The following GRID2 variants were observed in gnomAD, a reference collection of about 807,000 sequenced individuals.
The protein encoded by GRID2 is glutamate receptor ionotropic, delta-2.
Under a neutral mutation model 114.8 loss-of-function variants are expected in GRID2, and 33 were observed. That is an observed-to-expected ratio of 0.29 (90% CI 0.22 to 0.38). The LOEUF (loss-of-function observed/expected upper bound fraction) is 0.38. GRID2 is among the 10% of genes least tolerant of loss of function. GRID2 has a pLI of 1.00. For synonymous variants in GRID2, 505 were observed against 449.9 expected (o/e 1.12, Z -1.55); for missense variants, 1,184 against 1,257.7 (o/e 0.94, Z 0.89).
chr4:92,411,645 G>GTATATA (rs1390740726), intron 1 of GRID2, among the ~76,000 whole-genome samples: 1 of 92,856 alleles, frequency 1.1e-5, no homozygotes, highest in Admixed American at 9.8e-5. Context: ...GTGTGTGTGT[G>GTATATA]TGTGTGTGTG....
intron 2 of GRID2, among the ~76,000 whole-genome samples, chr4:92,716,923 C>G (rs1250036073): frequency 6.6e-6 from 1 of 152,076 alleles, no homozygotes; most frequent in African/African-American, 2.4e-5. Flanking sequence ...TAAATATCTC[C>G]AGAGCAAAAG....
At chr4:92,753,890 G>A (rs541758662) in intron 2 of GRID2, among the ~76,000 whole-genome samples, 1 of 151,946 alleles carries the variant, frequency 6.6e-6, no homozygotes, top group South Asian at 2.1e-4. Flanking sequence ...TTAAAAGGAG[G>A]GTTTTTCCAT....
intron 2 of GRID2, among the ~76,000 whole-genome samples, chr4:93,059,356 A>G (rs1024346752): frequency 6.6e-6 from 1 of 152,124 alleles, no homozygotes; most frequent in African/African-American, 2.4e-5. Context: ...CCTAAATTCA[A>G]CATGACTGAC....
chr4:92,706,744 T>C (rs892624218), intron 2 of GRID2, among the ~76,000 whole-genome samples: 2 of 152,218 alleles, frequency 1.3e-5, no homozygotes, highest in Non-Finnish European at 2.9e-5. Context: ...AATTCTATCT[T>C]ACATGTAAAT....
chr4:92,612,413 G>A (rs558793527), intron 2 of GRID2, among the ~76,000 whole-genome samples: 7 of 151,184 alleles, frequency 4.6e-5, no homozygotes, highest in African/African-American at 9.7e-5. Flanking sequence ...TCTTTCTACC[G>A]ACTTATTTTT....
chr4:92,798,583 A>G (rs1377493839), intron 2 of GRID2, among the ~76,000 whole-genome samples: 1 of 152,006 alleles, frequency 6.6e-6, no homozygotes, highest in Non-Finnish European at 1.5e-5. Flanking sequence ...AACTTTGGAC[A>G]TTTGGTTAGT....
At chr4:93,201,427 TC>T (rs1426799580) in intron 4 of GRID2, among the ~76,000 whole-genome samples, 2 of 152,216 alleles carry the variant, frequency 1.3e-5, no homozygotes, top group African/African-American at 4.8e-5. Context: ...AGCCACTTGT[TC>T]CAGCGTATCT....
chr4:93,803,838 C>A (rs907390956), intron 1 of GRID2, among the ~76,000 whole-genome samples: 1 of 152,160 alleles, frequency 6.6e-6, no homozygotes, highest in African/African-American at 2.4e-5. Flanking sequence ...TATGCCACTG[C>A]AAAGTGTGAA....
chr4:93,067,376 A>G (rs1202115891), intron 2 of GRID2, among the ~76,000 whole-genome samples: 1 of 152,078 alleles, frequency 6.6e-6, no homozygotes, highest in African/African-American at 2.4e-5. Flanking sequence ...GAGGCTGAGA[A>G]GTCCAACATC....
intron 12 of GRID2, among the ~76,000 whole-genome samples, chr4:93,507,447 C>G (rs1328684696): frequency 6.6e-6 from 1 of 152,194 alleles, no homozygotes; most frequent in Non-Finnish European, 1.5e-5. Flanking sequence ...AATATTCAAC[C>G]AAGAAAAACA....
In GRID2 at chr4:93,316,295, A is replaced by AGAACGAAAGAACGAAAGAAC. The variant is rs1342972313; in HGVS notation, c.1245+77808_1245+77809insCGAAAGAACGAAAGAACGAA. Among the ~76,000 whole-genome samples, 282 of 47,700 alleles carry AGAACGAAAGAACGAAAGAAC rather than the reference A, an allele frequency of 5.9e-3. 2 individuals carry two copies. Among genetic ancestry groups the AGAACGAAAGAACGAAAGAAC allele is most frequent in the Non-Finnish European group, 7.6e-3 (192 of 25,102 alleles). The allele number at this position is 47,700 out of a possible 152,430, so 31.3% of individuals were successfully genotyped here. A position where few individuals can be genotyped will look rare whatever the true frequency, so the allele number is the denominator to read the frequency against. ...AGAAAGAAAAGAACGAAAGAACGAA[A>AGAACGAAAGAACGAAAGAAC]GAAAGAAAGAAAGAAAGAAAGAAAG... On this transcript the variant is annotated intron_variant, in intron 8 of 15. Transcript: ENST00000282020.
chr4:92,754,823 T>C (rs1361178622), intron 2 of GRID2, among the ~76,000 whole-genome samples: 1 of 152,218 alleles, frequency 6.6e-6, no homozygotes, highest in Non-Finnish European at 1.5e-5. Context: ...GAGAATTTTA[T>C]TGGCTATGAT....
intron 2 of GRID2, among the ~76,000 whole-genome samples, chr4:92,626,080 T>G (rs1730507605): frequency 6.6e-6 from 1 of 151,980 alleles, no homozygotes; most frequent in African/African-American, 2.4e-5. Flanking sequence ...AATAATATTT[T>G]TGATGCATTG....
chr4:92,735,166 A>T (rs1736529453), intron 2 of GRID2, among the ~76,000 whole-genome samples: 1 of 151,994 alleles, frequency 6.6e-6, no homozygotes, highest in Non-Finnish European at 1.5e-5. Flanking sequence ...ATCCTTTTTG[A>T]TATTAATCTC....
chr4:93,428,454 T>C (rs1769068416), intron 10 of GRID2, among the ~76,000 whole-genome samples: 1 of 152,122 alleles, frequency 6.6e-6, no homozygotes, highest in Non-Finnish European at 1.5e-5. Flanking sequence ...CCATAGATCG[T>C]ATACTAATTG....
At chr4:93,614,276 G>C (rs1287535987) in intron 13 of GRID2, among the ~76,000 whole-genome samples, 1 of 152,176 alleles carries the variant, frequency 6.6e-6, no homozygotes, top group Non-Finnish European at 1.5e-5. Flanking sequence ...CGTCTTCTGC[G>C]TCGCTCACGC....
chr4:92,672,652 T>C (rs1733131916), intron 2 of GRID2, among the ~76,000 whole-genome samples: 1 of 152,136 alleles, frequency 6.6e-6, no homozygotes, highest in Non-Finnish European at 1.5e-5. Flanking sequence ...TGCCATTTGT[T>C]TTCCATTTTC....
chr4:92,713,443 TAGAC>T (rs1027378593), intron 2 of GRID2, among the ~76,000 whole-genome samples: 4 of 138,544 alleles, frequency 2.9e-5, no homozygotes, highest in Admixed American at 1.5e-4. Flanking sequence ...TTAGTTAACA[TAGAC>T]AGTTTACATA....
intron 2 of GRID2, among the ~76,000 whole-genome samples, chr4:92,712,279 T>G (rs1444787487): frequency 6.6e-6 from 1 of 152,206 alleles, no homozygotes; most frequent in Non-Finnish European, 1.5e-5. Flanking sequence ...GGTATTTCAT[T>G]TAGCTATGTT....
Sources: allele counts gnomAD v4.1 joint callset (sites outside exome capture counted in the v4.1 genomes callset), GRCh38; gene constraint gnomAD v4.1.1; transcripts MANE v1.5; gene names NCBI Gene and HGNC (gene_info 2026-07-23, HGNC 2026-07-21).